Variants in RUNDC3B observed in about 807,000 individuals in gnomAD.
RUNDC3B encodes RUN domain-containing protein 3B.
Under a neutral mutation model 58.4 loss-of-function variants are expected in RUNDC3B, and 33 were observed. That is an observed-to-expected ratio of 0.56 (90% CI 0.43 to 0.75). RUNDC3B has a LOEUF of 0.75. Among genes scored for constraint, RUNDC3B ranks in the 30% least tolerant of loss-of-function variants. The pLI is 0.00. For synonymous variants in RUNDC3B, 193 were observed against 195.2 expected (o/e 0.99, Z 0.10); for missense variants, 501 against 535.7 (o/e 0.94, Z 0.64).
chr7:87,774,182 CA>C (rs886237166), intron 7 of RUNDC3B, among the ~76,000 whole-genome samples: 1 of 151,514 alleles, frequency 6.6e-6, no homozygotes, highest in Admixed American at 6.6e-5. Context: ...AATTATAGGT[CA>C]AAAAAATTGA....
rs1041933008 is a variant in RUNDC3B, at chr7:87,676,088, G to A, written c.239-24333G>A. Among the ~76,000 whole-genome samples the A allele has an allele frequency of 3.9e-5, 6 of 151,982 alleles. No individual in the cohort carries two copies. In the East Asian group the frequency reaches 5.8e-4, roughly 15 times the overall value. ...CAAAAAGTTAAAAAATTAGCCAGAC[G>A]TGGTGGCATGCACTTGTAGTCCCAG... On this transcript the variant is annotated intron_variant, in intron 2 of 10. Coordinates refer to ENST00000394654, the MANE Select transcript of RUNDC3B (RefSeq NM_001134405.2).
intron 2 of RUNDC3B, among the ~76,000 whole-genome samples, chr7:87,654,832 A>C (rs1449213909): frequency 6.6e-6 from 1 of 152,126 alleles, no homozygotes; most frequent in Non-Finnish European, 1.5e-5. Flanking sequence ...TTTCCAAAAT[A>C]TATGAGGAAC....
At chr7:87,664,369 C>T (rs1825019326) in intron 2 of RUNDC3B, among the ~76,000 whole-genome samples, 1 of 151,886 alleles carries the variant, frequency 6.6e-6, no homozygotes, top group Non-Finnish European at 1.5e-5. Flanking sequence ...TAGGGTAAAA[C>T]CAAAATTACT....
intron 3 of RUNDC3B, among the ~76,000 whole-genome samples, chr7:87,701,408 T>C (rs1205970888): frequency 1.3e-5 from 2 of 152,220 alleles, no homozygotes; most frequent in African/African-American, 4.8e-5. Context: ...CTTCCCAATA[T>C]AGAAAAGCTT....
At chr7:87,710,313 C>T (rs1829958603) in intron 3 of RUNDC3B, among the ~76,000 whole-genome samples, 1 of 152,048 alleles carries the variant, frequency 6.6e-6, no homozygotes, top group African/African-American at 2.4e-5. Flanking sequence ...ACCCAAGTAA[C>T]TCAGTATTAA....
chr7:87,720,542 A>ATGTGTGTGTGTGTG (rs3028189), intron 4 of RUNDC3B, among the ~76,000 whole-genome samples: 12 of 145,262 alleles, frequency 8.3e-5, no homozygotes, highest in East Asian at 4.1e-4. Context: ...GATAGGATAT[A>ATGTGTGTGTGTGTG]TGTGTGTGTG....
intron 4 of RUNDC3B, among the ~76,000 whole-genome samples, chr7:87,734,670 C>T (rs1482353965): frequency 2.0e-5 from 3 of 152,300 alleles, no homozygotes; most frequent in Admixed American, 6.5e-5. Context: ...TTTAGAGTCA[C>T]TCTCTTACCC....
chr7:87,777,073 A>C (rs546046910), intron 7 of RUNDC3B, among the ~76,000 whole-genome samples: 30 of 152,332 alleles, frequency 2.0e-4, no homozygotes, highest in Admixed American at 5.2e-4. Flanking sequence ...AAGTTTTCCC[A>C]GAAAGCAGGG....
chr7:87,769,841 C>T (rs1834177078), intron 6 of RUNDC3B, among the ~76,000 whole-genome samples: 1 of 151,950 alleles, frequency 6.6e-6, no homozygotes, highest in Admixed American at 6.6e-5. Context: ...TGTGATGTTC[C>T]CCTCCCTGTG....
chr7:87,642,973 A>G (rs531398818), intron 1 of RUNDC3B, among the ~76,000 whole-genome samples: 2 of 152,200 alleles, frequency 1.3e-5, no homozygotes, highest in East Asian at 3.9e-4. Context: ...TGGAGTGTAG[A>G]CGCATGACCA....
rs148420960 is a variant in RUNDC3B at position 87,667,844 on chromosome 7, C to G, written c.238+16907C>G. Among the ~76,000 whole-genome samples, 354 of 152,188 alleles carry G rather than the reference C, an allele frequency of 2.3e-3. 1 individual carries two copies. Among genetic ancestry groups the G allele is most frequent in the African/African-American group, 8.1e-3 (335 of 41,550 alleles). ...ATCCTGGGGTTGAAGCCTACTCAAT[C>G]TTGATGGATTAGCTTTTTGATGTGC... On this transcript the variant is annotated intron_variant, in intron 2 of 10. Transcript: ENST00000394654.
rs536660865 is a variant in RUNDC3B at position 87,701,882 on chromosome 7, G to A, written c.372+1328G>A. ...ATACTGGCCGGGCGCGGTGGCTCACGCCTGTAATCCCAGCACTTTGGGAGG... is the reference window on the plus strand; with the variant it reads ...ATACTGGCCGGGCGCGGTGGCTCACACCTGTAATCCCAGCACTTTGGGAGG... On this transcript the variant is annotated intron_variant, in intron 3 of 10. Coordinates refer to ENST00000394654, the MANE Select transcript of RUNDC3B (RefSeq NM_001134405.2). Among the ~76,000 whole-genome samples, 15 of 152,104 alleles carry A rather than the reference G, an allele frequency of 9.9e-5. 1 individual carries two copies. In the East Asian group the frequency reaches 1.9e-3, roughly 20 times the overall value.
chr7:87,654,196 A>C (rs1823855105), intron 2 of RUNDC3B, among the ~76,000 whole-genome samples: 1 of 152,024 alleles, frequency 6.6e-6, no homozygotes, highest in South Asian at 2.1e-4. Context: ...TCTCCACCAA[A>C]ATTTCAGGGT....
intron 7 of RUNDC3B, among the ~76,000 whole-genome samples, chr7:87,771,682 G>A (rs1045617998): frequency 6.6e-6 from 1 of 152,160 alleles, no homozygotes; most frequent in African/African-American, 2.4e-5. Context: ...CCCAGGGATG[G>A]GGGTGAAGGC....
chr7:87,778,629 A>G (rs1170669802), intron 8 of RUNDC3B, among the ~76,000 whole-genome samples: 1 of 152,168 alleles, frequency 6.6e-6, no homozygotes, highest in Admixed American at 6.5e-5. Flanking sequence ...GCGCTACTCA[A>G]AGTATAGTGC....
chr7:87,821,428 G>A (rs2130962121), intron 10 of RUNDC3B, among the ~76,000 whole-genome samples: 1 of 152,134 alleles, frequency 6.6e-6, no homozygotes, highest in Non-Finnish European at 1.5e-5. Flanking sequence ...ATGCTCATGG[G>A]TAGGAAGAGT....
rs536171997 is a variant in RUNDC3B, at chr7:87,655,395, A to C, written c.238+4458A>C. Among the ~76,000 whole-genome samples the C allele has an allele frequency of 5.9e-5, 9 of 152,266 alleles. No homozygotes were observed. In the South Asian group the frequency reaches 1.7e-3, roughly 28 times the overall value. ...AATGGAATGCTATTCAGCCTTTAAG[A>C]GGAAGAAAATCCTGTCATTTGTGAC... On this transcript the variant is annotated intron_variant, in intron 2 of 10. Coordinates refer to ENST00000394654, the MANE Select transcript of RUNDC3B (RefSeq NM_001134405.2).
At chr7:87,629,941 A>G (rs1584944254) in intron 1 of RUNDC3B, among the ~76,000 whole-genome samples, 1 of 151,766 alleles carries the variant, frequency 6.6e-6, no homozygotes, top group South Asian at 2.1e-4. Flanking sequence ...AAAAAGAACT[A>G]TTTATAGTAA....
chr7:87,815,785 C>T (rs776977060), intron 9 of RUNDC3B, among the ~76,000 whole-genome samples: 2 of 152,058 alleles, frequency 1.3e-5, no homozygotes, highest in Non-Finnish European at 2.9e-5. Flanking sequence ...ATTGTTATGC[C>T]AATTTTATAT....
Sources: gnomAD v4.1 joint callset for allele counts (sites outside exome capture counted in the v4.1 genomes callset) on GRCh38, gnomAD v4.1.1 for gene constraint, MANE v1.5 for transcripts, NCBI Gene and HGNC (gene_info 2026-07-23, HGNC 2026-07-21) for gene names.